Variants in SDHAF3 observed in about 807,000 individuals in gnomAD.
SDHAF3 encodes the protein succinate dehydrogenase complex assembly factor 3.
A neutral mutation model predicts 11.5 loss-of-function variants in SDHAF3; 18 were observed. The observed-to-expected ratio is 1.56, with a 90% CI of 1.08 to 2.32. The LOEUF is 2.32. Among genes scored for constraint, SDHAF3 ranks in the 30% most tolerant of loss-of-function variants. The pLI is 0.00. For missense variants in SDHAF3, 200 were observed against 154.4 expected, an observed-to-expected ratio of 1.30 and a Z score of -1.57; for synonymous variants, 72 against 59.3, an observed-to-expected ratio of 1.21 and a Z score of -0.99.
At position 97,178,063 on chromosome 7, in the gene SDHAF3, C is replaced by T. The variant is rs983078428; in HGVS notation, c.175-2949C>T. Among the ~76,000 whole-genome samples the T allele has an allele frequency of 5.9e-5, 9 of 152,176 alleles. No individual in the cohort carries two copies. The East Asian group carries it at 1.3e-3, about 23-fold the overall frequency. On this transcript the variant is annotated intron_variant, in intron 1 of 1. Transcript: ENST00000432641. ...TCGGTGGCCATTAAACAGTAACACCCTCTCCTACCTCCTCCCAGCCCTTAG... is the reference window on the plus strand; with the variant it reads ...TCGGTGGCCATTAAACAGTAACACCTTCTCCTACCTCCTCCCAGCCCTTAG...
At chr7:97,155,046 G>A (rs186903278) in intron 1 of SDHAF3, among the ~76,000 whole-genome samples, 1 of 152,274 alleles carries the variant, frequency 6.6e-6, no homozygotes, top group East Asian at 1.9e-4. Context: ...ATCAGAAAGA[G>A]TTACTCCTTT....
At chr7:97,162,953 TTC>T (rs1422282674) in intron 1 of SDHAF3, among the ~76,000 whole-genome samples, 1 of 152,154 alleles carries the variant, frequency 6.6e-6, no homozygotes, top group African/African-American at 2.4e-5. Flanking sequence ...CTTGTTTATT[TTC>T]TGTTTCATTT....
At chr7:97,170,046 A>G (rs1231033039) in intron 1 of SDHAF3, among the ~76,000 whole-genome samples, 1 of 151,032 alleles carries the variant, frequency 6.6e-6, no homozygotes, top group Non-Finnish European at 1.5e-5. Context: ...GCTAGAACCC[A>G]TCCTCACCTC....
At chr7:97,163,823 C>T (rs1315113412) in intron 1 of SDHAF3, among the ~76,000 whole-genome samples, 2 of 152,052 alleles carry the variant, frequency 1.3e-5, no homozygotes, top group African/African-American at 2.4e-5. Flanking sequence ...GTGCTTCCTT[C>T]GAGAGCTCTT....
chr7:97,127,827 C>T (rs1306992352), intron 1 of SDHAF3, among the ~76,000 whole-genome samples: 2 of 150,778 alleles, frequency 1.3e-5, no homozygotes, highest in African/African-American at 4.9e-5. Flanking sequence ...CTGCATTTTA[C>T]TCATTGTCGG....
chr7:97,131,787 C>G (rs1029670291), intron 1 of SDHAF3, among the ~76,000 whole-genome samples: 3 of 152,086 alleles, frequency 2.0e-5, no homozygotes, highest in Admixed American at 6.6e-5. Context: ...AAAAGAGACT[C>G]TAATAGGTCA....
intron 1 of SDHAF3, among the ~76,000 whole-genome samples, chr7:97,160,947 G>C (rs1309844691): frequency 6.6e-6 from 1 of 151,182 alleles, no homozygotes; most frequent in Admixed American, 6.6e-5. Flanking sequence ...AAAAAAAAAA[G>C]TACAGATGGT....
chr7:97,158,516 G>A (rs755745025), intron 1 of SDHAF3, among the ~76,000 whole-genome samples: 4 of 152,050 alleles, frequency 2.6e-5, no homozygotes, highest in Non-Finnish European at 5.9e-5. Flanking sequence ...TAATAGAGAC[G>A]GGGTTTCACC....
At chr7:97,118,967 C>A (rs1284171166) in intron 1 of SDHAF3, among the ~76,000 whole-genome samples, 1 of 152,154 alleles carries the variant, frequency 6.6e-6, no homozygotes, top group Admixed American at 6.5e-5. Flanking sequence ...GAAGTTGAAG[C>A]TTTTCAGACA....
At chr7:97,177,915 G>A (rs1789707505) in intron 1 of SDHAF3, among the ~76,000 whole-genome samples, 1 of 152,100 alleles carries the variant, frequency 6.6e-6, no homozygotes, top group Non-Finnish European at 1.5e-5. Flanking sequence ...CTCAGGCACT[G>A]GTCTCCATTG....
chr7:97,175,996 G>A (rs997681455), intron 1 of SDHAF3, among the ~76,000 whole-genome samples: 9 of 152,070 alleles, frequency 5.9e-5, no homozygotes, highest in Admixed American at 3.3e-4. Context: ...TGGCCATATC[G>A]CTCCAAACTT....
At chr7:97,136,590 T>C (rs1584214365) in intron 1 of SDHAF3, 2 of 445,770 alleles carry the variant, frequency 4.5e-6, no homozygotes, top group East Asian at 6.3e-5. Context: ...CTATGTACAG[T>C]ACGCTTCTAA....
At chr7:97,133,172 T>C (rs1791695556) in intron 1 of SDHAF3, among the ~76,000 whole-genome samples, 2 of 152,192 alleles carry the variant, frequency 1.3e-5, no homozygotes, top group Admixed American at 6.5e-5. Flanking sequence ...TCTAGGGTGG[T>C]ACTGTAATCA....
intron 1 of SDHAF3, among the ~76,000 whole-genome samples, chr7:97,157,191 G>A (rs1351302975): frequency 6.6e-6 from 1 of 152,148 alleles, no homozygotes; most frequent in Non-Finnish European, 1.5e-5. Context: ...GTCTAGTAGA[G>A]TACTAAAAGA....
chr7:97,181,343 A>G lies in SDHAF3; in HGVS notation c.*128A>G. 1 of 689,020 alleles carries G rather than the reference A, an allele frequency of 1.5e-6. No homozygotes were observed. Among genetic ancestry groups the G allele is most frequent in the Non-Finnish European group, 2.4e-6 (1 of 418,968 alleles). The allele number at this position is 689,020 out of a possible 1,614,324, so 42.7% of individuals were successfully genotyped here. On this transcript the variant is annotated 3_prime_UTR_variant, in exon 2 of 2. Coordinates refer to ENST00000432641, the MANE Select transcript of SDHAF3 (RefSeq NM_020186.3). ...AATGAAATACTCTTTTATTTTGGATATTATGATTGCAGTATATGGATCAAG... is the reference window on the plus strand; with the variant it reads ...AATGAAATACTCTTTTATTTTGGATGTTATGATTGCAGTATATGGATCAAG...
At chr7:97,154,648 T>G (rs1789275312) in intron 1 of SDHAF3, among the ~76,000 whole-genome samples, 1 of 152,162 alleles carries the variant, frequency 6.6e-6, no homozygotes. Flanking sequence ...AGTTTATCAT[T>G]TTTTCCTTTT....
intron 1 of SDHAF3, among the ~76,000 whole-genome samples, chr7:97,164,167 A>G (rs1204739796): frequency 6.7e-6 from 1 of 149,934 alleles, no homozygotes; most frequent in Non-Finnish European, 1.5e-5. Context: ...GACGGTCTCG[A>G]TCTCCTCTCC....
At chr7:97,175,927 C>T (rs888061224) in intron 1 of SDHAF3, among the ~76,000 whole-genome samples, 1 of 152,172 alleles carries the variant, frequency 6.6e-6, no homozygotes, top group Non-Finnish European at 1.5e-5. Context: ...GAGTGAGAGG[C>T]TCTAGGGAAG....
In SDHAF3 at chr7:97,173,735, G is replaced by T. The variant is rs1789640052; in HGVS notation, c.175-7277G>T. ...GCCCGGCTAATTTTTTGTATTTTTA[G>T]TAGAGACGAGGTTTCACTGTGTTAG... On this transcript the variant is annotated intron_variant, in intron 1 of 1. Coordinates refer to ENST00000432641, the MANE Select transcript of SDHAF3 (RefSeq NM_020186.3). Among the ~76,000 whole-genome samples, 3 of 151,712 alleles carry T rather than the reference G, an allele frequency of 2.0e-5. No individual in the cohort carries two copies. The South Asian group carries it at 6.3e-4, about 32-fold the overall frequency.
Sources: gnomAD v4.1 joint callset for allele counts (sites outside exome capture counted in the v4.1 genomes callset) on GRCh38, gnomAD v4.1.1 for gene constraint, MANE v1.5 for transcripts, NCBI Gene and HGNC (gene_info 2026-07-23, HGNC 2026-07-21) for gene names.